Variants in NFAT5 observed in about 807,000 individuals in gnomAD.
NFAT5 encodes nuclear factor of activated T-cells 5.
A neutral mutation model predicts 166.5 loss-of-function variants in NFAT5; 31 were observed. The ratio of observed to expected loss-of-function variants is 0.19; its 90% CI spans 0.14 to 0.25. The LOEUF (loss-of-function observed/expected upper bound fraction) is 0.25, where lower values mean the gene tolerates loss of function less well. Among genes scored for constraint, NFAT5 ranks in the 10% least tolerant of loss-of-function variants. The probability of loss-of-function intolerance (pLI) is 1.00; values close to 1 mark genes in which losing one functional copy is unlikely to be tolerated. For synonymous variants in NFAT5, 612 were observed against 639.7 expected, an observed-to-expected ratio of 0.96 and a Z score of 0.65; for missense variants, 1,449 against 1,821.8, an observed-to-expected ratio of 0.80 and a Z score of 3.72.
chr16:69,569,319 G>C (rs185869348), intron 2 of NFAT5, among the ~76,000 whole-genome samples: 1,728 of 139,538 alleles, frequency 0.012, 26 homozygotes, highest in African/African-American at 0.04. Flanking sequence ...CTGAAATTAA[G>C]AAACCAAAAA....
chr16:69,589,119 C>T lies in NFAT5; in HGVS notation c.127+20571C>T, dbSNP rs556577131. ...AAGTGATTCTCCTGCCTCAGCCTCC[C>T]GAGTAGCTGGGATTACAGGCATGTG... On this transcript the variant is annotated intron_variant, in intron 2 of 14. Coordinates refer to ENST00000349945, the MANE Select transcript of NFAT5 (RefSeq NM_138713.4). 2.6e-5 allele frequency among the ~76,000 whole-genome samples: 4 copies of T among 151,708 alleles called. No individual in the cohort carries two copies. The South Asian group carries it at 6.3e-4, about 24-fold the overall frequency.
At chr16:69,655,377 CA>C (rs1449982583) in intron 5 of NFAT5, among the ~76,000 whole-genome samples, 1 of 152,112 alleles carries the variant, frequency 6.6e-6, no homozygotes, top group Non-Finnish European at 1.5e-5. Context: ...TATCATCTAA[CA>C]TCTAAATTTA....
chr16:69,575,193 G>A lies in NFAT5; in HGVS notation c.127+6645G>A, dbSNP rs151211556. 2.7e-3 allele frequency among the ~76,000 whole-genome samples: 417 copies of A among 151,866 alleles called. 3 individuals carry two copies. The highest frequency in any genetic ancestry group is 4.4e-3 in the Non-Finnish European group (301 of 67,942). On this transcript the variant is annotated intron_variant, in intron 2 of 14. Coordinates refer to ENST00000349945, the MANE Select transcript of NFAT5 (RefSeq NM_138713.4). ...TTTATTTATTTATTTATTTAGAGAC[G>A]GAGTCTCTCTGTTGCTTAGGCTAGA...
chr16:69,580,372 TA>T (rs1334357701), intron 2 of NFAT5, among the ~76,000 whole-genome samples: 3 of 151,520 alleles, frequency 2.0e-5, no homozygotes, highest in Non-Finnish European at 4.4e-5. Context: ...TACTAAAAAA[TA>T]CAAAAAAATT....
chr16:69,701,910 C>T lies in NFAT5; in HGVS notation c.*5559C>T, dbSNP rs1269853999. On this transcript the variant is annotated 3_prime_UTR_variant, in exon 15 of 15. Coordinates refer to ENST00000349945, the MANE Select transcript of NFAT5 (RefSeq NM_138713.4). ...GAAATGAGAAAAAGGTTATATCTGA[C>T]TCCCTCCAGACCTAAGATAATTCCT... is the stretch of plus-strand genomic sequence containing the variant. 2 of 152,258 alleles carry T rather than the reference C, an allele frequency of 1.3e-5. No homozygotes were observed. The highest frequency in any genetic ancestry group is 2.9e-5 in the Non-Finnish European group (2 of 68,038). 9.4% of individuals were successfully genotyped at this position (152,258 alleles called of 1,614,324 possible).
rs924325454 is a variant in NFAT5 at position 69,566,978 on chromosome 16, C to T, written c.73+604C>T. 4.6e-5 allele frequency among the ~76,000 whole-genome samples: 7 copies of T among 152,158 alleles called. No homozygotes were observed. Among genetic ancestry groups the T allele is most frequent in the African/African-American group, 1.7e-4 (7 of 41,436 alleles). ...CAGGCGTTCTTCCTTTCCTCGTCAT[C>T]TTCTTGCTGGAAAGGGCCCGATGGA... On this transcript the variant is annotated intron_variant, in intron 1 of 14. Coordinates refer to ENST00000349945, the MANE Select transcript of NFAT5 (RefSeq NM_138713.4). This position sits in a 1 kb window ranked among gnomAD's most constrained non-coding sequence, Gnocchi z 5.7.
intron 2 of NFAT5, among the ~76,000 whole-genome samples, chr16:69,621,633 A>G (rs1053851498): frequency 2.0e-5 from 3 of 152,170 alleles, no homozygotes; most frequent in African/African-American, 7.2e-5. Context: ...GCATAACATG[A>G]AGTAGCCGGC....
At chr16:69,592,465 A>G (rs1413016369) in intron 2 of NFAT5, among the ~76,000 whole-genome samples, 1 of 152,110 alleles carries the variant, frequency 6.6e-6, no homozygotes, top group Non-Finnish European at 1.5e-5. Flanking sequence ...AGTATCTAAA[A>G]TCTTGTGAAC....
intron 2 of NFAT5, among the ~76,000 whole-genome samples, chr16:69,576,644 C>T (rs931335733): frequency 6.6e-5 from 10 of 152,152 alleles, no homozygotes; most frequent in Middle Eastern, 3.4e-3. Context: ...CTGAGGTGGG[C>T]GGATCGCTTG....
At chr16:69,583,736 G>A (rs2031851804) in intron 2 of NFAT5, among the ~76,000 whole-genome samples, 1 of 152,130 alleles carries the variant, frequency 6.6e-6, no homozygotes, top group South Asian at 2.1e-4. Context: ...TGGCACAAAT[G>A]CTTTGTATTT....
At chr16:69,619,848 C>G (rs1362356623) in intron 2 of NFAT5, among the ~76,000 whole-genome samples, 1 of 152,082 alleles carries the variant, frequency 6.6e-6, no homozygotes, top group Non-Finnish European at 1.5e-5. Context: ...AATTAAGTTG[C>G]CCTATTAAAT....
chr16:69,571,709 G>T (rs4783724), intron 2 of NFAT5, among the ~76,000 whole-genome samples: 133,240 of 150,572 alleles, frequency 0.88, 59,062 homozygotes, highest in African/African-American at 0.95. Flanking sequence ...TTTTTTTTTT[G>T]GGGGGAAACA....
chr16:69,694,593 T>C (rs2151725410), intron 13 of NFAT5, among the ~76,000 whole-genome samples: 1 of 152,338 alleles, frequency 6.6e-6, no homozygotes, highest in African/African-American at 2.4e-5. Context: ...TAGTTAGAAC[T>C]CTATCACCTA....
intron 2 of NFAT5, among the ~76,000 whole-genome samples, chr16:69,618,399 C>T (rs1306705465): frequency 2.6e-5 from 4 of 152,134 alleles, no homozygotes; most frequent in African/African-American, 9.7e-5. Context: ...CATTACCTAC[C>T]AGTTATTCTT....
intron 6 of NFAT5, 21 bp from the exon 7 acceptor site, chr16:69,659,706 T>C (rs1156536824): frequency 9.2e-6 from 14 of 1,522,770 alleles, no homozygotes; most frequent in Non-Finnish European, 1.2e-5. Flanking sequence ...TGTCCCTTTA[T>C]ATATTTTTTT....
At chr16:69,684,642 A>G (rs1176318821) in intron 10 of NFAT5, among the ~76,000 whole-genome samples, 1 of 152,010 alleles carries the variant, frequency 6.6e-6, no homozygotes, top group Non-Finnish European at 1.5e-5. Flanking sequence ...TTGGCTTCCC[A>G]AAGTGCTGGG....
chr16:69,639,666 T>C (rs1247782832), intron 3 of NFAT5, among the ~76,000 whole-genome samples: 1 of 152,144 alleles, frequency 6.6e-6, no homozygotes, highest in Non-Finnish European at 1.5e-5. Context: ...TATAAAGAAG[T>C]ATGTAGGAGT....
At chr16:69,649,708 G>C in intron 4 of NFAT5, 1 of 257,388 alleles carries the variant, frequency 3.9e-6, no homozygotes, top group Non-Finnish European at 6.1e-6. Flanking sequence ...ATTTTTCAGA[G>C]CATGTCAAGC....
intron 2 of NFAT5, among the ~76,000 whole-genome samples, chr16:69,612,581 C>T (rs2033753735): frequency 6.6e-6 from 1 of 152,120 alleles, no homozygotes; most frequent in Non-Finnish European, 1.5e-5. Context: ...TGCAGTGGTT[C>T]ATGCCTATAA....
Sources: allele counts gnomAD v4.1 joint callset (sites outside exome capture counted in the v4.1 genomes callset), GRCh38; gene constraint gnomAD v4.1.1; non-coding constraint Gnocchi (gnomAD v3.1); transcripts MANE v1.5; gene names NCBI Gene and HGNC (gene_info 2026-07-23, HGNC 2026-07-21).